The following KCNT2 variants were observed in gnomAD, a reference collection of about 807,000 sequenced individuals.
The protein encoded by KCNT2 is potassium channel subfamily T member 2.
Under a neutral mutation model 153.8 loss-of-function variants are expected in KCNT2, and 67 were observed. The observed-to-expected ratio is 0.44, with a 90% CI of 0.36 to 0.53. The LOEUF (loss-of-function observed/expected upper bound fraction) is 0.53. KCNT2 is among the 20% of genes least tolerant of loss of function. The pLI is 0.00. For missense variants in KCNT2, 975 were observed against 1,354.8 expected (o/e 0.72, Z 4.40); for synonymous variants, 500 against 458.8 (o/e 1.09, Z -1.15).
At chr1:196,515,104 T>C (rs539490492) in intron 1 of KCNT2, among the ~76,000 whole-genome samples, 1 of 152,306 alleles carries the variant, frequency 6.6e-6, no homozygotes, top group African/African-American at 2.4e-5. Flanking sequence ...CCTGGCTCAC[T>C]ATGATTTCCG....
At chr1:196,485,064 T>C (rs1418692490) in intron 3 of KCNT2, among the ~76,000 whole-genome samples, 2 of 152,050 alleles carry the variant, frequency 1.3e-5, no homozygotes. Flanking sequence ...CTATCAATGA[T>C]AGACTGGATA....
At chr1:196,538,678 C>T (rs138456581) in intron 1 of KCNT2, among the ~76,000 whole-genome samples, 67 of 152,202 alleles carry the variant, frequency 4.4e-4, no homozygotes, top group Non-Finnish European at 5.7e-4. Flanking sequence ...TGTGTGCCTG[C>T]GCTCCAAAAC....
At chr1:196,296,355 T>C (rs1161823434) in intron 22 of KCNT2, among the ~76,000 whole-genome samples, 1 of 151,910 alleles carries the variant, frequency 6.6e-6, no homozygotes, top group African/African-American at 2.4e-5. Flanking sequence ...TTTAAATGCA[T>C]CCATATTCAA....
At chr1:196,236,385 T>G (rs1654439537) in intron 26 of KCNT2, among the ~76,000 whole-genome samples, 1 of 151,664 alleles carries the variant, frequency 6.6e-6, no homozygotes, top group South Asian at 2.1e-4. Context: ...GATAAGATGT[T>G]TACTTGATTA....
At chr1:196,436,279 G>C (rs1369720997) in intron 8 of KCNT2, among the ~76,000 whole-genome samples, 1 of 151,574 alleles carries the variant, frequency 6.6e-6, no homozygotes, top group Non-Finnish European at 1.5e-5. Context: ...TTACTGCTCT[G>C]TGGTAATTAT....
chr1:196,549,078 G>A (rs949972301), intron 1 of KCNT2, among the ~76,000 whole-genome samples: 45 of 152,006 alleles, frequency 3.0e-4, no homozygotes, highest in African/African-American at 1.0e-3. Context: ...TGGGTGCAGC[G>A]CACCAGCATG....
chr1:196,266,420 A>G (rs1657546768), intron 25 of KCNT2, among the ~76,000 whole-genome samples: 1 of 152,216 alleles, frequency 6.6e-6, no homozygotes. Context: ...CTTAACCATC[A>G]GAATTACTTT....
At chr1:196,538,440 A>G (rs952561795) in intron 1 of KCNT2, among the ~76,000 whole-genome samples, 2 of 152,116 alleles carry the variant, frequency 1.3e-5, no homozygotes, top group Non-Finnish European at 2.9e-5. Flanking sequence ...AATCATAGAC[A>G]GTTTTGACAT....
At position 196,342,152 on chromosome 1, in the gene KCNT2, A is replaced by C; in HGVS notation, c.1480T>G (p.Leu494Val). The C allele has an allele frequency of 6.2e-7, 1 of 1,611,304 alleles. No individual in the cohort carries two copies. The highest frequency in any genetic ancestry group is 8.5e-7 in the Non-Finnish European group (1 of 1,178,800). ...TCAGCAAAAAATGTACTTTCTTCCA[A>C]AACAATGTGGTAGACTTCATTCCCG... is the stretch of plus-strand genomic sequence containing the variant. ...CSGNEVYHIVLEESTFFAEYE... is the reference protein window; with the variant it reads ...CSGNEVYHIVVEESTFFAEYE... Residue 494 changes from leucine to valine, a missense_variant, in exon 15 of 28, where the codon TTG (leucine) becomes GTG (valine). Transcript: ENST00000294725.
chr1:196,272,200 T>G (rs1658128848), intron 25 of KCNT2, among the ~76,000 whole-genome samples: 1 of 151,886 alleles, frequency 6.6e-6, no homozygotes, highest in African/African-American at 2.4e-5. Context: ...TGTCCAGGAA[T>G]GGGACAAGAG....
At chr1:196,463,373 G>T (rs1478611157) in intron 8 of KCNT2, among the ~76,000 whole-genome samples, 1 of 151,676 alleles carries the variant, frequency 6.6e-6, no homozygotes, top group Non-Finnish European at 1.5e-5. Context: ...AAGACAGTTT[G>T]CTTGTAATGC....
chr1:196,478,847 G>C (rs1200916891), intron 5 of KCNT2, among the ~76,000 whole-genome samples: 1 of 152,036 alleles, frequency 6.6e-6, no homozygotes, highest in Non-Finnish European at 1.5e-5. Flanking sequence ...ATTCCTAAGA[G>C]ACATGTTTTT....
intron 14 of KCNT2, among the ~76,000 whole-genome samples, chr1:196,352,383 T>G (rs1166099240): frequency 2.1e-4 from 32 of 151,848 alleles, no homozygotes; most frequent in African/African-American, 5.8e-4. Flanking sequence ...CAATTTCAGA[T>G]CCTGTTATTG....
chr1:196,328,996 T>A (rs968839750), intron 18 of KCNT2, among the ~76,000 whole-genome samples: 2 of 152,092 alleles, frequency 1.3e-5, no homozygotes, highest in African/African-American at 4.8e-5. Flanking sequence ...GATGTTTGGA[T>A]CATCAAGAAT....
intron 1 of KCNT2, among the ~76,000 whole-genome samples, chr1:196,593,012 G>A (rs1037193084): frequency 7.3e-5 from 11 of 150,248 alleles, no homozygotes; most frequent in Non-Finnish European, 1.6e-4. Flanking sequence ...GTAAGATTTT[G>A]GTGCACCCAT....
At chr1:196,334,256 G>A (rs1199309724) in intron 16 of KCNT2, among the ~76,000 whole-genome samples, 196 bp from the exon 17 acceptor site, 4 of 151,860 alleles carry the variant, frequency 2.6e-5, no homozygotes. Flanking sequence ...TCCTGGACAA[G>A]AAAATCTCTA....
At chr1:196,318,693 T>C (rs778101820) in intron 20 of KCNT2, among the ~76,000 whole-genome samples, 3 of 151,756 alleles carry the variant, frequency 2.0e-5, no homozygotes, top group Non-Finnish European at 2.9e-5. Context: ...TAACATAGAA[T>C]GGAGGCTAAT....
chr1:196,530,485 G>GA (rs1399713820), intron 1 of KCNT2, among the ~76,000 whole-genome samples: 1 of 151,764 alleles, frequency 6.6e-6, no homozygotes, highest in East Asian at 1.9e-4. Flanking sequence ...CTATTAAGTG[G>GA]AAAACCGATA....
chr1:196,555,596 C>G (rs1177152304), intron 1 of KCNT2, among the ~76,000 whole-genome samples: 1 of 151,402 alleles, frequency 6.6e-6, no homozygotes, highest in East Asian at 1.9e-4. Context: ...TCTACTTATT[C>G]AATGCCATCC....
Sources: gnomAD v4.1 joint callset for allele counts (sites outside exome capture counted in the v4.1 genomes callset) on GRCh38, gnomAD v4.1.1 for gene constraint, MANE v1.5 for transcripts, NCBI Gene and HGNC (gene_info 2026-07-23, HGNC 2026-07-21) for gene names.